NBEA: variants seen among roughly 807,000 people sequenced by gnomAD.
NBEA encodes the protein neurobeachin.
A neutral mutation model predicts 343.4 loss-of-function variants in NBEA; 44 were observed. The observed-to-expected ratio is 0.13, with a 90% CI of 0.10 to 0.16. The LOEUF is 0.16. NBEA is among the 10% of genes least tolerant of loss of function. The probability of loss-of-function intolerance (pLI) is 1.00; values close to 1 mark genes in which losing one functional copy is unlikely to be tolerated. For synonymous variants in NBEA, 1,175 were observed against 1,238.7 expected (o/e 0.95, Z 1.08); for missense variants, 2,555 against 3,631.3 (o/e 0.70, Z 7.62).
At chr13:35,226,912 A>G (rs1260524776) in intron 33 of NBEA, among the ~76,000 whole-genome samples, 1 of 152,062 alleles carries the variant, frequency 6.6e-6, no homozygotes, top group Non-Finnish European at 1.5e-5. Context: ...GGCATTACAC[A>G]TCTTAAAACT....
chr13:35,588,958 G>A (rs982646434), intron 46 of NBEA, among the ~76,000 whole-genome samples: 1 of 151,982 alleles, frequency 6.6e-6, no homozygotes, highest in Admixed American at 6.6e-5. Context: ...TTACCCTAAA[G>A]CCTCTTTAAA....
chr13:35,363,753 T>C (rs2040946835), intron 38 of NBEA, among the ~76,000 whole-genome samples: 1 of 151,928 alleles, frequency 6.6e-6, no homozygotes, highest in East Asian at 1.9e-4. Flanking sequence ...CATGGAACAA[T>C]TTTTTCTTCT....
At chr13:35,147,286 G>A (rs768867765) in intron 18 of NBEA, among the ~76,000 whole-genome samples, 53 of 152,272 alleles carry the variant, frequency 3.5e-4, no homozygotes, top group South Asian at 1.7e-3. Context: ...TTTCTTCAGG[G>A]GTGCAACACA....
At chr13:35,502,381 T>C (rs1594820926) in intron 41 of NBEA, among the ~76,000 whole-genome samples, 2 of 152,238 alleles carry the variant, frequency 1.3e-5, no homozygotes, top group Non-Finnish European at 1.5e-5. Flanking sequence ...TGGAAGGAGA[T>C]ATAAATAATT....
At chr13:35,621,830 T>C (rs551650851) in intron 48 of NBEA, among the ~76,000 whole-genome samples, 2 of 152,296 alleles carry the variant, frequency 1.3e-5, no homozygotes, top group Admixed American at 6.5e-5. Context: ...TTGTGGGAAA[T>C]GCAAGATAAG....
intron 1 of NBEA, among the ~76,000 whole-genome samples, chr13:34,950,277 A>T (rs1215944153): frequency 1.3e-5 from 2 of 152,170 alleles, no homozygotes; most frequent in African/African-American, 4.8e-5. Context: ...TTAGAATGTA[A>T]GTCTAGAATT....
chr13:35,416,589 C>T (rs2043923734), intron 38 of NBEA, among the ~76,000 whole-genome samples: 1 of 152,172 alleles, frequency 6.6e-6, no homozygotes, highest in South Asian at 2.1e-4. Context: ...ATGAAGCCAA[C>T]TTGATCGTGG....
At chr13:35,251,186 G>A (rs2031912700) in intron 34 of NBEA, 2 of 253,738 alleles carry the variant, frequency 7.9e-6, no homozygotes, top group Non-Finnish European at 1.6e-5. Context: ...TGTGGTAGGG[G>A]AGGGGACTCA....
intron 34 of NBEA, among the ~76,000 whole-genome samples, chr13:35,261,673 A>G (rs1464828674): frequency 6.6e-6 from 1 of 152,186 alleles, no homozygotes; most frequent in African/African-American, 2.4e-5. Context: ...ATAGCAGTGA[A>G]CTCGGAGATG....
At chr13:35,096,338 G>C (rs1425876846) in intron 10 of NBEA, among the ~76,000 whole-genome samples, 2 of 151,428 alleles carry the variant, frequency 1.3e-5, no homozygotes. Flanking sequence ...AACACTTTAT[G>C]GATAGCAGAG....
chr13:35,552,421 C>T (rs966182639), intron 43 of NBEA, among the ~76,000 whole-genome samples: 155 of 152,044 alleles, frequency 1.0e-3, no homozygotes, highest in Non-Finnish European at 1.8e-3. Flanking sequence ...CAAGATTAAA[C>T]TAAGATATTA....
intron 1 of NBEA, among the ~76,000 whole-genome samples, chr13:34,960,835 C>A (rs1463390482): frequency 6.6e-6 from 1 of 152,008 alleles, no homozygotes; most frequent in Non-Finnish European, 1.5e-5. Flanking sequence ...AAATGTATCT[C>A]TGTTGTTAAG....
intron 38 of NBEA, among the ~76,000 whole-genome samples, chr13:35,414,919 G>A (rs942833523): frequency 2.0e-4 from 31 of 152,200 alleles, no homozygotes; most frequent in African/African-American, 7.2e-4. Context: ...TTCAATGATC[G>A]CCATTCTAAC....
intron 29 of NBEA, among the ~76,000 whole-genome samples, chr13:35,183,416 G>A (rs2071451808): frequency 6.6e-6 from 1 of 151,806 alleles, no homozygotes; most frequent in African/African-American, 2.4e-5. Context: ...AGAAATTAGT[G>A]GTCAAATCTC....
intron 55 of NBEA, among the ~76,000 whole-genome samples, chr13:35,658,371 G>A (rs879309141): frequency 3.9e-5 from 6 of 152,076 alleles, no homozygotes; most frequent in Admixed American, 1.3e-4. Flanking sequence ...GTGAACATAC[G>A]TAGTATGGTA....
intron 36 of NBEA, among the ~76,000 whole-genome samples, chr13:35,348,205 A>C (rs912432690): frequency 1.3e-5 from 2 of 152,268 alleles, no homozygotes; most frequent in Middle Eastern, 3.4e-3. Context: ...AAGTTAGAAG[A>C]AGCTCACTGT....
chr13:35,365,628 T>TG (rs2041058581), intron 38 of NBEA, among the ~76,000 whole-genome samples: 1 of 151,684 alleles, frequency 6.6e-6, no homozygotes, highest in Admixed American at 6.6e-5. Context: ...TCTTGACACT[T>TG]GCTGCGATTT....
intron 1 of NBEA, among the ~76,000 whole-genome samples, chr13:34,973,191 G>A (rs2060054161): frequency 6.6e-6 from 1 of 152,096 alleles, no homozygotes; most frequent in African/African-American, 2.4e-5. Flanking sequence ...ATCCCAGGGA[G>A]GTACAGACTT....
intron 38 of NBEA, among the ~76,000 whole-genome samples, chr13:35,383,181 A>G (rs1002877601): frequency 1.6e-4 from 24 of 152,300 alleles, no homozygotes; most frequent in Admixed American, 1.5e-3. Context: ...AAAACTGCCC[A>G]TCTAGAAAGA....
Sources: gnomAD v4.1 joint callset for allele counts (sites outside exome capture counted in the v4.1 genomes callset) on GRCh38, gnomAD v4.1.1 for gene constraint, MANE v1.5 for transcripts, NCBI Gene and HGNC (gene_info 2026-07-23, HGNC 2026-07-21) for gene names.